TMEM217: variants seen among roughly 807,000 people sequenced by gnomAD.
The protein encoded by TMEM217 is chromosome 6 open reading frame 128.
For missense variants in TMEM217, 204 were observed against 248.8 expected, an observed-to-expected ratio of 0.82 and a Z score of 1.21; for synonymous variants, 76 against 88.3, an observed-to-expected ratio of 0.86 and a Z score of 0.78.
chr6:37,227,984 C>T (rs186043332), intron 1 of TMEM217, among the ~76,000 whole-genome samples: 32 of 152,098 alleles, frequency 2.1e-4, no homozygotes, highest in African/African-American at 6.3e-4. Flanking sequence ...TTCCATGTTA[C>T]GGAAAGTTTC....
At chr6:37,246,842 G>A (rs558681099) in intron 1 of TMEM217, among the ~76,000 whole-genome samples, 5 of 151,826 alleles carry the variant, frequency 3.3e-5, no homozygotes, top group African/African-American at 7.3e-5. Flanking sequence ...GGTCAAGGCC[G>A]CAGTGAGCCA....
In TMEM217 at chr6:37,249,806, G is replaced by A. The variant is rs530848269; in HGVS notation, c.-12+7762C>T. Reference sequence around the variant, plus strand: ...ACTCTCATCCCATGTGGTTGGAAGTGTAAAGTAGTATGACCACTTTGAAAA... The same window carrying A: ...ACTCTCATCCCATGTGGTTGGAAGTATAAAGTAGTATGACCACTTTGAAAA... On this transcript the variant is annotated intron_variant, in intron 1 of 1. Coordinates refer to ENST00000357219, the Ensembl canonical transcript of TMEM217. Among the ~76,000 whole-genome samples, 40 of 152,318 alleles carry A rather than the reference G, an allele frequency of 2.6e-4. 1 individual carries two copies. The South Asian group carries it at 7.9e-3, about 30-fold the overall frequency.
At chr6:37,247,610 T>C (rs958096899) in intron 1 of TMEM217, among the ~76,000 whole-genome samples, 1 of 151,960 alleles carries the variant, frequency 6.6e-6, no homozygotes, top group Admixed American at 6.6e-5. Flanking sequence ...ATGGTCTCGA[T>C]CTCCTGACCT....
intron 1 of TMEM217, among the ~76,000 whole-genome samples, chr6:37,225,501 A>T (rs1490754794): frequency 6.6e-6 from 1 of 152,200 alleles, no homozygotes; most frequent in African/African-American, 2.4e-5. Flanking sequence ...GGAAAAAAAT[A>T]AAAAGAGTGG....
downstream of TMEM217, chr6:37,215,285 A>G (rs756362993): frequency 6.2e-7 from 1 of 1,610,044 alleles, no homozygotes; most frequent in Non-Finnish European, 8.5e-7. Context: ...TGTGGAAGCT[A>G]GACAAATAAA....
intron 1 of TMEM217, among the ~76,000 whole-genome samples, chr6:37,254,576 C>G (rs541361473): frequency 1.3e-5 from 2 of 152,294 alleles, no homozygotes; most frequent in African/African-American, 4.8e-5. Flanking sequence ...GTGGACACAT[C>G]CTACTAGGGG....
At chr6:37,257,376 C>G (rs1349975707) in intron 1 of TMEM217, among the ~76,000 whole-genome samples, 192 bp downstream of exon 1, 2 of 152,126 alleles carry the variant, frequency 1.3e-5, no homozygotes, top group Admixed American at 1.3e-4. Context: ...AGGGTAATAA[C>G]CAGAGTGTCA....
intron 1 of TMEM217, among the ~76,000 whole-genome samples, chr6:37,226,270 T>G (rs1763822049): frequency 6.6e-6 from 1 of 150,748 alleles, no homozygotes; most frequent in Non-Finnish European, 1.5e-5. Flanking sequence ...ATTTTGTTTT[T>G]TTGAGACAGT....
intron 1 of TMEM217, among the ~76,000 whole-genome samples, chr6:37,226,339 C>T (rs1204046620): frequency 1.6e-5 from 2 of 123,260 alleles, no homozygotes; most frequent in East Asian, 4.9e-4. Flanking sequence ...TTCGCCCAGG[C>T]TGGAGTGCAG....
At chr6:37,216,371 G>T (rs773828422), downstream of TMEM217, among the ~76,000 whole-genome samples, 30 of 152,116 alleles carry the variant, frequency 2.0e-4, no homozygotes, top group Non-Finnish European at 2.8e-4. Context: ...GAGCCCCTGC[G>T]CCTGGCCCGA....
intron 1 of TMEM217, among the ~76,000 whole-genome samples, chr6:37,242,598 C>G (rs534204638): frequency 2.0e-5 from 3 of 152,212 alleles, no homozygotes; most frequent in South Asian, 4.1e-4. Context: ...GTAATTCTGA[C>G]AGTAAATCAC....
downstream of TMEM217, chr6:37,217,582 CT>C: frequency 1.0e-6 from 1 of 962,874 alleles, no homozygotes; most frequent in Non-Finnish European, 1.2e-6. Flanking sequence ...AAGGAAGTGC[CT>C]TTCACACTCC....
rs1021030420 is a variant in TMEM217, at chr6:37,247,915, TGGGGGAA to T, written c.-12+9646_-12+9652del. 1.7e-3 allele frequency among the ~76,000 whole-genome samples: 265 copies of T among 152,208 alleles called. 1 individual carries two copies. Among genetic ancestry groups the T allele is most frequent in the African/African-American group, 6.2e-3 (257 of 41,534 alleles). ...ATGGTTTTCCATAGTTCTCGGGAGA[TGGGGGAA>T]GAGCCTTCAGGCACATGAAGAGGAT... On this transcript the variant is annotated intron_variant, in intron 1 of 1. Coordinates refer to ENST00000357219, the Ensembl canonical transcript of TMEM217.
chr6:37,237,658 C>T (rs1170810952), intron 1 of TMEM217, among the ~76,000 whole-genome samples: 1 of 152,174 alleles, frequency 6.6e-6, no homozygotes, highest in African/African-American at 2.4e-5. Flanking sequence ...GATGAATAAA[C>T]TGCTACATAT....
At chr6:37,215,538 T>C (rs555312501), downstream of TMEM217, among the ~76,000 whole-genome samples, 7 of 112,356 alleles carry the variant, frequency 6.2e-5, no homozygotes, top group South Asian at 1.2e-3. Context: ...ACCACTGTAC[T>C]CCAGCCTGGG....
At chr6:37,250,471 A>T (rs1158677682) in intron 1 of TMEM217, among the ~76,000 whole-genome samples, 1 of 152,240 alleles carries the variant, frequency 6.6e-6, no homozygotes, top group South Asian at 2.1e-4. Context: ...GAGCAATGTA[A>T]ACTCACACTC....
downstream of TMEM217, among the ~76,000 whole-genome samples, chr6:37,216,786 C>T (rs1378723810): frequency 1.3e-5 from 2 of 152,136 alleles, no homozygotes; most frequent in African/African-American, 4.8e-5. Flanking sequence ...GCAGAGCCCT[C>T]ATGAATGGAA....
chr6:37,238,750 C>T (rs1456486379), intron 1 of TMEM217, among the ~76,000 whole-genome samples: 2 of 152,188 alleles, frequency 1.3e-5, no homozygotes, highest in Non-Finnish European at 2.9e-5. Context: ...AGGATGCCAA[C>T]ATGAAAGGGA....
At chr6:37,226,553 A>T (rs1238021778) in intron 1 of TMEM217, among the ~76,000 whole-genome samples, 3 of 147,432 alleles carry the variant, frequency 2.0e-5, no homozygotes, top group Non-Finnish European at 3.0e-5. Flanking sequence ...CGCCTCGGCC[A>T]CCCAAAGTGC....
Sources: gnomAD v4.1 joint callset for allele counts (sites outside exome capture counted in the v4.1 genomes callset) on GRCh38, gnomAD v4.1.1 for gene constraint, MANE v1.5 for transcripts, NCBI Gene and HGNC (gene_info 2026-07-23, HGNC 2026-07-21) for gene names.